The following PDGFD variants were observed in gnomAD, a reference collection of about 807,000 sequenced individuals.
The protein encoded by PDGFD is platelet-derived growth factor D.
PDGFD carries 30 observed loss-of-function variants against 44.7 expected under a neutral mutation model. The ratio of observed to expected loss-of-function variants is 0.67; its 90% CI spans 0.50 to 0.91. The LOEUF is 0.91. Ranked by LOEUF, PDGFD falls within the 40% of genes least tolerant of loss-of-function variation. The probability of loss-of-function intolerance (pLI) is 0.00; values close to 1 mark genes in which losing one functional copy is unlikely to be tolerated. For missense variants in PDGFD, 445 were observed against 457.8 expected, an observed-to-expected ratio of 0.97 and a Z score of 0.25; for synonymous variants, 173 against 168.4, an observed-to-expected ratio of 1.03 and a Z score of -0.21.
chr11:103,986,707 C>G (rs1379827530), intron 3 of PDGFD, among the ~76,000 whole-genome samples: 1 of 152,156 alleles, frequency 6.6e-6, no homozygotes, highest in Non-Finnish European at 1.5e-5. Context: ...AAGACGGTAA[C>G]AGCTCTTTCT....
At chr11:104,002,685 T>C (rs1476621084) in intron 1 of PDGFD, among the ~76,000 whole-genome samples, 1 of 152,214 alleles carries the variant, frequency 6.6e-6, no homozygotes, top group Non-Finnish European at 1.5e-5. Context: ...AGATTAACCA[T>C]ATTGTATTAT....
intron 3 of PDGFD, among the ~76,000 whole-genome samples, chr11:103,951,895 T>C (rs950916001): frequency 6.6e-6 from 1 of 152,238 alleles, no homozygotes; most frequent in Non-Finnish European, 1.5e-5. Context: ...TTTCCTCAAG[T>C]GAAATCACAC....
intron 1 of PDGFD, among the ~76,000 whole-genome samples, chr11:104,067,580 A>G (rs1292057270): frequency 1.3e-5 from 2 of 152,184 alleles, no homozygotes; most frequent in African/African-American, 4.8e-5. Flanking sequence ...ATCTTCCATT[A>G]GTAAGATAAC....
Position 103,923,359 on chromosome 11 carries a change from G to A in PDGFD, c.987+3553C>T, listed in dbSNP as rs191362643. Among the ~76,000 whole-genome samples the A allele has an allele frequency of 2.2e-4, 34 of 152,244 alleles. No homozygotes were observed. In the East Asian group the frequency reaches 5.4e-3, roughly 24 times the overall value. The stretch of plus-strand genomic sequence containing the variant: ...CAAAACCCTACAGGACAACTAATAT[G>A]ACCTGTGAAAAAAGCAATATTAGCT... On this transcript the variant is annotated intron_variant, in intron 6 of 6. Transcript: ENST00000393158.
intron 1 of PDGFD, among the ~76,000 whole-genome samples, chr11:104,058,182 T>C (rs1860652656): frequency 6.6e-6 from 1 of 152,194 alleles, no homozygotes; most frequent in African/African-American, 2.4e-5. Context: ...TAAAAACTCT[T>C]GGATAAACAC....
rs201322825 is a variant in PDGFD, at chr11:104,064,289, G to A, written c.125-64034C>T. Reference sequence around the variant, plus strand: ...AATCACCCCATGTGATATATACATCGACTGGGCTTACAAGGAAATCCAGTG... The same window carrying A: ...AATCACCCCATGTGATATATACATCAACTGGGCTTACAAGGAAATCCAGTG... On this transcript the variant is annotated intron_variant, in intron 1 of 6. Coordinates refer to ENST00000393158, the MANE Select transcript of PDGFD (RefSeq NM_025208.5). 8.5e-5 allele frequency among the ~76,000 whole-genome samples: 13 copies of A among 152,250 alleles called. No homozygotes were observed. In the South Asian group the frequency reaches 1.9e-3, roughly 22 times the overall value.
At chr11:103,974,392 C>T (rs1859151201) in intron 3 of PDGFD, among the ~76,000 whole-genome samples, 1 of 152,188 alleles carries the variant, frequency 6.6e-6, no homozygotes, top group African/African-American at 2.4e-5. Flanking sequence ...ACCCTAAGAG[C>T]TACTCTATAG....
At chr11:104,147,777 A>C in intron 1 of PDGFD, among the ~76,000 whole-genome samples, 1 of 152,212 alleles carries the variant, frequency 6.6e-6, no homozygotes, top group East Asian at 1.9e-4. Context: ...GACAAAATAC[A>C]GACCTGATAC....
intron 4 of PDGFD, among the ~76,000 whole-genome samples, chr11:103,946,942 C>T (rs1052642300): frequency 2.6e-5 from 4 of 152,206 alleles, no homozygotes; most frequent in South Asian, 2.1e-4. Flanking sequence ...CTCAGCCACA[C>T]GGACCTACTC....
intron 1 of PDGFD, among the ~76,000 whole-genome samples, chr11:104,132,641 A>G (rs1861941183): frequency 6.6e-6 from 1 of 152,126 alleles, no homozygotes; most frequent in African/African-American, 2.4e-5. Flanking sequence ...GATACTACAG[A>G]TAATATACAT....
intron 2 of PDGFD, 77 bp downstream of exon 2, chr11:103,999,974 T>C (rs1428862746): frequency 7.7e-7 from 1 of 1,305,274 alleles, no homozygotes; most frequent in African/African-American, 1.5e-5. Context: ...AAAGGAATGT[T>C]TGATACGATG....
chr11:104,147,048 G>GA (rs1418314961), intron 1 of PDGFD, among the ~76,000 whole-genome samples: 1 of 150,840 alleles, frequency 6.6e-6, no homozygotes, highest in Admixed American at 6.6e-5. Flanking sequence ...CTTCTTTGTT[G>GA]AAAAATGAAA....
At chr11:104,110,293 A>T (rs1243574788) in intron 1 of PDGFD, among the ~76,000 whole-genome samples, 1 of 151,936 alleles carries the variant, frequency 6.6e-6, no homozygotes, top group African/African-American at 2.4e-5. Flanking sequence ...AATGCAATTG[A>T]TGGTTTAAAA....
At chr11:104,128,213 T>C (rs138957161) in intron 1 of PDGFD, among the ~76,000 whole-genome samples, 246 of 148,164 alleles carry the variant, frequency 1.7e-3, no homozygotes, top group African/African-American at 5.4e-3. Flanking sequence ...CCTGTGCCCA[T>C]TGAAAAAAAT....
At chr11:104,023,075 G>A (rs1430852620) in intron 1 of PDGFD, among the ~76,000 whole-genome samples, 6 of 152,124 alleles carry the variant, frequency 3.9e-5, no homozygotes, top group African/African-American at 1.4e-4. Flanking sequence ...AGTGGTTACA[G>A]TCATTTTGGG....
At chr11:103,960,450 C>T (rs1461844173) in intron 3 of PDGFD, among the ~76,000 whole-genome samples, 1 of 152,142 alleles carries the variant, frequency 6.6e-6, no homozygotes, top group Non-Finnish European at 1.5e-5. Flanking sequence ...TGCAAGGGAT[C>T]TCATAGACTA....
At chr11:104,065,087 G>C (rs1860770184) in intron 1 of PDGFD, among the ~76,000 whole-genome samples, 1 of 152,134 alleles carries the variant, frequency 6.6e-6, no homozygotes, top group Admixed American at 6.6e-5. Context: ...AACTGGCTTA[G>C]CCTCCAAGCC....
chr11:104,111,558 CTG>C (rs1214472642), intron 1 of PDGFD, among the ~76,000 whole-genome samples: 6 of 151,760 alleles, frequency 4.0e-5, no homozygotes, highest in African/African-American at 1.5e-4. Context: ...ATGCCTGGCC[CTG>C]TATTGATTAT....
At chr11:104,076,542 T>C (rs760258970) in intron 1 of PDGFD, among the ~76,000 whole-genome samples, 20 of 152,174 alleles carry the variant, frequency 1.3e-4, no homozygotes, top group Non-Finnish European at 2.6e-4. Flanking sequence ...TATAAACTTA[T>C]TGTGACCTAT....
Sources: allele counts gnomAD v4.1 joint callset (sites outside exome capture counted in the v4.1 genomes callset), GRCh38; gene constraint gnomAD v4.1.1; transcripts MANE v1.5; gene names NCBI Gene and HGNC (gene_info 2026-07-23, HGNC 2026-07-21).